The following NOL4L variants were observed in gnomAD, a reference collection of about 807,000 sequenced individuals.
NOL4L encodes the protein nucleolar protein 4 like.
NOL4L carries 7 observed loss-of-function variants against 64.5 expected under a neutral mutation model. The observed-to-expected ratio is 0.11, with a 90% CI of 0.06 to 0.20. The LOEUF is 0.20. Among genes scored for constraint, NOL4L ranks in the 10% least tolerant of loss-of-function variants. The probability of loss-of-function intolerance (pLI) is 1.00; values close to 1 mark genes in which losing one functional copy is unlikely to be tolerated. For synonymous variants in NOL4L, 413 were observed against 401.0 expected, an observed-to-expected ratio of 1.03 and a Z score of -0.36; for missense variants, 680 against 967.1, an observed-to-expected ratio of 0.70 and a Z score of 3.94.
At chr20:32,545,557 C>T (rs1036452980) in intron 1 of NOL4L, among the ~76,000 whole-genome samples, 1 of 152,200 alleles carries the variant, frequency 6.6e-6, no homozygotes, top group Non-Finnish European at 1.5e-5. Context: ...GACCCCCTTC[C>T]CCCGACCCGC....
intron 4 of NOL4L, chr20:32,510,045 A>C: frequency 1.1e-6 from 1 of 920,440 alleles, no homozygotes; most frequent in Non-Finnish European, 1.6e-6. Flanking sequence ...CAACAAAAGC[A>C]ACACCCTCAT....
At chr20:32,522,085 G>A (rs1209242680) in intron 2 of NOL4L, among the ~76,000 whole-genome samples, 1 of 152,240 alleles carries the variant, frequency 6.6e-6, no homozygotes, top group Non-Finnish European at 1.5e-5. Context: ...AGGTGGGCTA[G>A]GGCGGGGCTG....
Position 32,473,429 on chromosome 20 carries a change from G to A in NOL4L, c.841+1172C>T, listed in dbSNP as rs541331753. Among the ~76,000 whole-genome samples the A allele has an allele frequency of 5.1e-4, 78 of 152,320 alleles. 1 individual carries two copies. Among genetic ancestry groups the A allele is most frequent in the Admixed American group, 4.5e-3 (69 of 15,312 alleles). ...CTGGCCTGGGAGGCTGGCAGCACGA[G>A]GGGGTCGCACCGACCTCACGAGGCA... On this transcript the variant is annotated intron_variant, in intron 5 of 10. Coordinates refer to ENST00000621426, the MANE Select transcript of NOL4L (RefSeq NM_001256798.2).
intron 4 of NOL4L, chr20:32,509,991 C>T: frequency 7.9e-7 from 1 of 1,265,900 alleles, no homozygotes; most frequent in Non-Finnish European, 1.0e-6. Flanking sequence ...TGAGAGGAGA[C>T]CTAATGCAGA....
At chr20:32,498,705 T>C (rs2016792665) in intron 4 of NOL4L, among the ~76,000 whole-genome samples, 1 of 146,900 alleles carries the variant, frequency 6.8e-6, no homozygotes, top group African/African-American at 2.5e-5. Flanking sequence ...CGAGGCTGCA[T>C]TGAGCTGTGA....
intron 5 of NOL4L, among the ~76,000 whole-genome samples, chr20:32,472,291 G>A (rs2015080637): frequency 6.6e-6 from 1 of 152,248 alleles, no homozygotes; most frequent in Non-Finnish European, 1.5e-5. Flanking sequence ...GCAGGGCAGA[G>A]ACCAAGACTG....
In NOL4L at chr20:32,456,112, A is replaced by G; in HGVS notation, c.1119+6T>C. On this transcript the variant is annotated splice_donor_region_variant and intron_variant, in intron 6 of 10. Transcript: ENST00000621426. Reference sequence around the variant, plus strand: ...AGAAATGGACTCAGCCCCCAGCCCCACACACCTCGGGGGTGGTCTTCACCC... The same window carrying G: ...AGAAATGGACTCAGCCCCCAGCCCCGCACACCTCGGGGGTGGTCTTCACCC... The G allele has an allele frequency of 6.7e-7, 1 of 1,498,458 alleles. No individual in the cohort carries two copies. The allele number at this position is 1,498,458 out of a possible 1,614,324, so 92.8% of individuals were successfully genotyped here.
At chr20:32,459,222 T>C (rs892892306) in intron 5 of NOL4L, among the ~76,000 whole-genome samples, 4 of 151,834 alleles carry the variant, frequency 2.6e-5, no homozygotes, top group South Asian at 2.1e-4. Flanking sequence ...TTTTAAAATA[T>C]TGGCGACTCA....
Position 32,482,265 on chromosome 20 carries a change from G to A in NOL4L, c.700-7523C>T, listed in dbSNP as rs919604795. On this transcript the variant is annotated intron_variant, in intron 4 of 10. Transcript: ENST00000621426. The stretch of plus-strand genomic sequence containing the variant: ...TGCTTTTGTGCTCTTGGGGAGAGGG[G>A]AGGGAGTAGGGAATGGGGAGGAGGG... Among the ~76,000 whole-genome samples, 8 of 152,168 alleles carry A rather than the reference G, an allele frequency of 5.3e-5. No individual in the cohort carries two copies. The South Asian group carries it at 1.7e-3, about 32-fold the overall frequency.
intron 1 of NOL4L, among the ~76,000 whole-genome samples, chr20:32,543,628 AAG>A (rs2018690295): frequency 6.6e-6 from 1 of 151,900 alleles, no homozygotes; most frequent in Non-Finnish European, 1.5e-5. Context: ...CAAAAAAAAA[AAG>A]AAAAAAAAGA....
In NOL4L at chr20:32,579,341, CAT is replaced by C. The variant is rs546667719; in HGVS notation, c.321+5227_321+5228del. ...ACAGTTGCACTTTTACACACACACA[CAT>C]GCACGCACATGCGTGTTCTAGCCCG... On this transcript the variant is annotated intron_variant, in intron 1 of 10. Transcript: ENST00000621426. 4.8e-4 allele frequency among the ~76,000 whole-genome samples: 73 copies of C among 152,370 alleles called. 1 individual carries two copies. The highest frequency in any genetic ancestry group is 2.9e-3 in the South Asian group (14 of 4,826).
intron 1 of NOL4L, among the ~76,000 whole-genome samples, chr20:32,543,534 G>A (rs1297269028): frequency 3.9e-5 from 6 of 152,078 alleles, no homozygotes; most frequent in South Asian, 4.1e-4. Context: ...CAGGAGAATC[G>A]CTTGAACCCA....
intron 1 of NOL4L, among the ~76,000 whole-genome samples, chr20:32,544,328 G>A (rs1054748908): frequency 7.2e-5 from 11 of 151,848 alleles, no homozygotes; most frequent in Non-Finnish European, 1.3e-4. Flanking sequence ...GAAGGGGGAA[G>A]GGGTACAAAG....
intron 4 of NOL4L, among the ~76,000 whole-genome samples, chr20:32,509,044 T>A (rs111311817): frequency 1.3e-5 from 2 of 152,142 alleles, no homozygotes; most frequent in Non-Finnish European, 2.9e-5. Flanking sequence ...GAAGCTCCCT[T>A]TCTGAGGCAC....
intron 1 of NOL4L, among the ~76,000 whole-genome samples, chr20:32,569,716 C>T (rs949260560): frequency 1.6e-4 from 25 of 152,132 alleles, no homozygotes; most frequent in African/African-American, 6.0e-4. Flanking sequence ...CTAGGCTGCC[C>T]CTGACCTCCA....
At chr20:32,566,567 C>A (rs1416523685) in intron 1 of NOL4L, among the ~76,000 whole-genome samples, 1 of 152,142 alleles carries the variant, frequency 6.6e-6, no homozygotes, top group Admixed American at 6.5e-5. Flanking sequence ...CCTTGCAGTT[C>A]CTCAAACCAA....
intron 10 of NOL4L, among the ~76,000 whole-genome samples, chr20:32,451,343 G>C (rs1182306209): frequency 6.6e-6 from 1 of 152,188 alleles, no homozygotes; most frequent in African/African-American, 2.4e-5. Context: ...TTAAAACCTA[G>C]CAGGGGCTCC....
In NOL4L at chr20:32,447,094, C is replaced by T. The variant is rs1041064954; in HGVS notation, c.*502G>A. 12 of 398,618 alleles carry T rather than the reference C, an allele frequency of 3.0e-5. No individual in the cohort carries two copies. The highest frequency in any genetic ancestry group is 2.3e-4 in the African/African-American group (11 of 48,058). 24.7% of individuals were successfully genotyped at this position (398,618 alleles called of 1,614,324 possible). On this transcript the variant is annotated 3_prime_UTR_variant, in exon 11 of 11. Transcript: ENST00000621426. ...ATATGGAATGTTAGGTATGGGGATA[C>T]ATCCTTCTGATCAGACAGACACAGA...
intron 4 of NOL4L, among the ~76,000 whole-genome samples, chr20:32,477,192 C>T (rs535503106): frequency 6.6e-6 from 1 of 152,330 alleles, no homozygotes; most frequent in East Asian, 1.9e-4. Flanking sequence ...TTCTCAGGGG[C>T]CCAGCGCTCC....
Sources: allele counts gnomAD v4.1 joint callset (sites outside exome capture counted in the v4.1 genomes callset), GRCh38; gene constraint gnomAD v4.1.1; transcripts MANE v1.5; gene names NCBI Gene and HGNC (gene_info 2026-07-23, HGNC 2026-07-21).